Variants in CNTN5 observed in about 807,000 individuals in gnomAD.
The protein encoded by CNTN5 is contactin-5.
CNTN5 carries 77 observed loss-of-function variants against 129.1 expected under a neutral mutation model. That is an observed-to-expected ratio of 0.60 (90% CI 0.50 to 0.72). CNTN5 has a LOEUF of 0.72. Among genes scored for constraint, CNTN5 ranks in the 30% least tolerant of loss-of-function variants. The probability of loss-of-function intolerance (pLI) is 0.00; values close to 1 mark genes in which losing one functional copy is unlikely to be tolerated. For synonymous variants in CNTN5, 509 were observed against 465.6 expected (o/e 1.09, Z -1.20); for missense variants, 1,478 against 1,328.8 (o/e 1.11, Z -1.75).
rs143282967 is a variant in CNTN5, at chr11:99,251,195, T to C, written c.-209-74151T>C. Among the ~76,000 whole-genome samples the C allele has an allele frequency of 5.8e-3, 875 of 152,024 alleles. 13 individuals carry two copies. The highest frequency in any genetic ancestry group is 0.02 in the African/African-American group (834 of 41,542). ...TAAGCAATTCAAAGAAAACAGGTTA[T>C]TTATATGTTTTATTTTGCTGTCTCA... is the stretch of plus-strand genomic sequence containing the variant. On this transcript the variant is annotated intron_variant, in intron 1 of 24. Transcript: ENST00000524871.
intron 1 of CNTN5, among the ~76,000 whole-genome samples, chr11:99,195,578 A>G (rs892463589): frequency 6.6e-6 from 1 of 151,988 alleles, no homozygotes; most frequent in Non-Finnish European, 1.5e-5. Flanking sequence ...TAAGGGTTGA[A>G]ATTCTGTTTT....
intron 1 of CNTN5, among the ~76,000 whole-genome samples, chr11:99,095,634 G>A (rs946921008): frequency 6.6e-6 from 1 of 151,834 alleles, no homozygotes; most frequent in African/African-American, 2.4e-5. Flanking sequence ...TAGAGTGAGG[G>A]AAACTAAGAG....
chr11:99,462,591 A>G (rs896267934), intron 2 of CNTN5, among the ~76,000 whole-genome samples: 3 of 152,104 alleles, frequency 2.0e-5, no homozygotes, highest in African/African-American at 7.2e-5. Flanking sequence ...TTTGAAAAAC[A>G]AGACCGTAAT....
At chr11:100,187,997 A>G (rs1435121109) in intron 13 of CNTN5, among the ~76,000 whole-genome samples, 2 of 152,196 alleles carry the variant, frequency 1.3e-5, no homozygotes, top group Non-Finnish European at 2.9e-5. Flanking sequence ...AATATAGTAA[A>G]TACCCTGCAG....
At chr11:99,433,084 G>C (rs1434684761) in intron 2 of CNTN5, among the ~76,000 whole-genome samples, 1 of 151,730 alleles carries the variant, frequency 6.6e-6, no homozygotes, top group Admixed American at 6.6e-5. Context: ...ACTTTTCAGA[G>C]GATGGAAATC....
intron 6 of CNTN5, among the ~76,000 whole-genome samples, chr11:99,910,632 A>G (rs75013689): frequency 0.011 from 1,627 of 152,192 alleles, 29 homozygotes; most frequent in African/African-American, 0.037. Flanking sequence ...CAACTCTATT[A>G]AATATATGAC....
intron 1 of CNTN5, among the ~76,000 whole-genome samples, chr11:99,180,151 T>C (rs1043136652): frequency 6.6e-6 from 1 of 152,086 alleles, no homozygotes; most frequent in Non-Finnish European, 1.5e-5. Flanking sequence ...GCAATGCAGA[T>C]GTAATGAGCA....
chr11:100,349,373 C>A (rs1056774893), intron 23 of CNTN5, among the ~76,000 whole-genome samples: 2 of 151,750 alleles, frequency 1.3e-5, no homozygotes, highest in South Asian at 4.1e-4. Context: ...AAATACCAAC[C>A]CTTTAACAGT....
intron 3 of CNTN5, among the ~76,000 whole-genome samples, chr11:99,584,600 G>A (rs940008603): frequency 6.6e-6 from 1 of 152,000 alleles, no homozygotes; most frequent in Non-Finnish European, 1.5e-5. Context: ...TATCTCCCAT[G>A]AAACAACAAA....
intron 13 of CNTN5, among the ~76,000 whole-genome samples, chr11:100,079,993 CTTT>C (rs1944296087): frequency 6.6e-6 from 1 of 152,106 alleles, no homozygotes; most frequent in Non-Finnish European, 1.5e-5. Flanking sequence ...ATTTCCTGTA[CTTT>C]TTGTGGACAA....
intron 1 of CNTN5, among the ~76,000 whole-genome samples, chr11:99,108,755 G>T (rs1302481176): frequency 6.6e-6 from 1 of 151,712 alleles, no homozygotes; most frequent in Non-Finnish European, 1.5e-5. Flanking sequence ...ATATAGAAAA[G>T]GAAAAAATCA....
intron 2 of CNTN5, among the ~76,000 whole-genome samples, chr11:99,459,837 A>G (rs1362155956): frequency 1.3e-5 from 2 of 152,032 alleles, no homozygotes; most frequent in African/African-American, 4.8e-5. Flanking sequence ...AAGGGCTTAA[A>G]TCTTTTGGAG....
At chr11:99,856,292 C>T (rs2135744923) in intron 6 of CNTN5, among the ~76,000 whole-genome samples, 1 of 152,294 alleles carries the variant, frequency 6.6e-6, no homozygotes. Context: ...AGTTCAAGTC[C>T]TCTTCAGCTA....
chr11:99,758,470 G>A (rs1219050), intron 3 of CNTN5, among the ~76,000 whole-genome samples: 102,620 of 151,850 alleles, frequency 0.68, 35,132 homozygotes, highest in African/African-American at 0.78. Flanking sequence ...TATTATTCCA[G>A]TCTTTAAAAT....
intron 3 of CNTN5, among the ~76,000 whole-genome samples, chr11:99,636,068 A>G (rs1951538829): frequency 6.7e-6 from 1 of 148,776 alleles, no homozygotes; most frequent in South Asian, 2.2e-4. Context: ...GAAGTAGAAA[A>G]CTATATAACT....
At chr11:100,009,071 C>G (rs1433038413) in intron 9 of CNTN5, among the ~76,000 whole-genome samples, 1 of 152,022 alleles carries the variant, frequency 6.6e-6, no homozygotes, top group African/African-American at 2.4e-5. Context: ...TGTAGGTTAT[C>G]AAATTTTACT....
intron 18 of CNTN5, among the ~76,000 whole-genome samples, chr11:100,286,950 G>A (rs1024673252): frequency 1.1e-4 from 17 of 152,130 alleles, no homozygotes; most frequent in Admixed American, 4.6e-4. Context: ...CGAGAACTAC[G>A]TGAAGAATGC....
intron 2 of CNTN5, among the ~76,000 whole-genome samples, chr11:99,490,010 A>G (rs573315249): frequency 6.6e-6 from 1 of 152,340 alleles, no homozygotes; most frequent in East Asian, 1.9e-4. Context: ...ATATCTGGAC[A>G]TATTCACCCC....
At chr11:99,306,879 T>A (rs1235228875) in intron 1 of CNTN5, among the ~76,000 whole-genome samples, 1 of 152,032 alleles carries the variant, frequency 6.6e-6, no homozygotes, top group Non-Finnish European at 1.5e-5. Context: ...ATTAAACTTC[T>A]AAAAGTATTA....
Sources: gnomAD v4.1 joint callset for allele counts (sites outside exome capture counted in the v4.1 genomes callset) on GRCh38, gnomAD v4.1.1 for gene constraint, MANE v1.5 for transcripts, NCBI Gene and HGNC (gene_info 2026-07-23, HGNC 2026-07-21) for gene names.